Variants in FTCDNL1 observed in about 807,000 individuals in gnomAD.
The protein encoded by FTCDNL1 is formiminotransferase N-terminal subdomain-containing protein.
FTCDNL1 carries 11 observed loss-of-function variants against 5.9 expected under a neutral mutation model. That is an observed-to-expected ratio of 1.87 (90% CI 1.18 to 3.10). The LOEUF is 3.10. FTCDNL1 is among the 30% of genes most tolerant of loss of function. The pLI is 0.00. For synonymous variants in FTCDNL1, 58 were observed against 24.8 expected (o/e 2.34, Z -3.99); for missense variants, 115 against 65.5 (o/e 1.76, Z -2.61).
intron 3 of FTCDNL1, among the ~76,000 whole-genome samples, chr2:199,772,641 C>T (rs1698870772): frequency 6.6e-6 from 1 of 152,146 alleles, no homozygotes; most frequent in Non-Finnish European, 1.5e-5. Context: ...CCTTCTTGGT[C>T]ATCCAGTCTA....
At chr2:199,788,349 G>A (rs757873135) in intron 3 of FTCDNL1, among the ~76,000 whole-genome samples, 1 of 152,080 alleles carries the variant, frequency 6.6e-6, no homozygotes, top group African/African-American at 2.4e-5. Context: ...TATTTTTTTA[G>A]TAGATATTTT....
At chr2:199,766,548 CAG>C (rs1453417798) in intron 3 of FTCDNL1, among the ~76,000 whole-genome samples, 1 of 152,168 alleles carries the variant, frequency 6.6e-6, no homozygotes, top group Non-Finnish European at 1.5e-5. Context: ...ATTTAGGAAT[CAG>C]AAATATGTAG....
At chr2:199,789,638 A>G (rs938224985) in intron 3 of FTCDNL1, among the ~76,000 whole-genome samples, 1 of 152,156 alleles carries the variant, frequency 6.6e-6, no homozygotes, top group African/African-American at 2.4e-5. Flanking sequence ...AATAGCTTGC[A>G]TAAGAATTGA....
chr2:199,753,194 G>T, the FTCDNL1 span, among the ~76,000 whole-genome samples: 4 of 152,182 alleles, frequency 2.6e-5, no homozygotes, highest in Non-Finnish European at 5.9e-5. Context: ...CCCTGTATAA[G>T]GTTATAAGAG....
chr2:199,747,973 C>G, the FTCDNL1 span, among the ~76,000 whole-genome samples: 1 of 152,142 alleles, frequency 6.6e-6, no homozygotes, highest in Non-Finnish European at 1.5e-5. Flanking sequence ...TTTTCCCTCC[C>G]TATTTAATTC....
At chr2:199,850,381 T>C (rs2076844227) in intron 1 of FTCDNL1, among the ~76,000 whole-genome samples, 1 of 152,250 alleles carries the variant, frequency 6.6e-6, no homozygotes, top group African/African-American at 2.4e-5. Context: ...AATTATGCTT[T>C]TTAACAAATG....
At chr2:199,723,734 C>T in the FTCDNL1 span, among the ~76,000 whole-genome samples, 2 of 152,122 alleles carry the variant, frequency 1.3e-5, no homozygotes, top group South Asian at 4.1e-4. Context: ...GGGATAAAGC[C>T]AACTTGATTG....
the FTCDNL1 span, among the ~76,000 whole-genome samples, chr2:199,689,838 T>C: frequency 1.4e-5 from 2 of 147,198 alleles, no homozygotes; most frequent in South Asian, 4.3e-4. Flanking sequence ...AAGAATATAA[T>C]TAGATATGGG....
the FTCDNL1 span, among the ~76,000 whole-genome samples, chr2:199,728,608 C>T: frequency 6.6e-6 from 1 of 152,098 alleles, no homozygotes; most frequent in Non-Finnish European, 1.5e-5. Context: ...CTTTATAAAA[C>T]TTATACCAGG....
At chr2:199,741,207 T>C in the FTCDNL1 span, among the ~76,000 whole-genome samples, 16 of 152,178 alleles carry the variant, frequency 1.1e-4, no homozygotes, top group Admixed American at 7.2e-4. Flanking sequence ...GGCCAGGAGT[T>C]CGACGCTGCC....
the FTCDNL1 span, among the ~76,000 whole-genome samples, chr2:199,716,207 C>T: frequency 6.6e-6 from 1 of 152,050 alleles, no homozygotes; most frequent in Admixed American, 6.6e-5. Flanking sequence ...TCTTGCTTTA[C>T]TAAGTATAAG....
chr2:199,802,842 G>A (rs1482031673), intron 3 of FTCDNL1, among the ~76,000 whole-genome samples: 2 of 152,116 alleles, frequency 1.3e-5, no homozygotes, highest in African/African-American at 2.4e-5. Flanking sequence ...CAGTCCAGGG[G>A]AGGAAGTCAC....
intron 4 of FTCDNL1, among the ~76,000 whole-genome samples, chr2:199,813,912 CAAAAAAAAAAAA>C (rs397987315): frequency 5.5e-4 from 58 of 106,366 alleles, no homozygotes; most frequent in African/African-American, 1.6e-3. Flanking sequence ...GACTCTGTCT[CAAAAAAAAAAAA>C]AAAAAAAAAA....
chr2:199,699,642 A>G, the FTCDNL1 span, among the ~76,000 whole-genome samples: 1 of 152,158 alleles, frequency 6.6e-6, no homozygotes, highest in African/African-American at 2.4e-5. Flanking sequence ...CAGACACCAA[A>G]ATCCTCAACA....
chr2:199,714,394 G>T, the FTCDNL1 span, among the ~76,000 whole-genome samples: 1 of 152,066 alleles, frequency 6.6e-6, no homozygotes, highest in Non-Finnish European at 1.5e-5. Flanking sequence ...CATCAGTCAT[G>T]AATAAAATAT....
rs920389203 is a variant in FTCDNL1 at position 199,819,611 on chromosome 2, C to T, written c.358G>A (p.Asp120Asn). 2.8e-6 allele frequency: 2 copies of T among 701,984 alleles called. No homozygotes were observed. The highest frequency in any genetic ancestry group is 3.5e-5 in the African/African-American group (2 of 57,192). The allele number at this position is 701,984 out of a possible 1,614,324, so 43.5% of individuals were successfully genotyped here. The part of the protein sequence containing the change: ...TRRDFSALQP[D>N]LGAAPSQRCG... ...CTTTGGGAAGGGGCAGCTCCCAGGTCAGGCTGAAGAGCACTGAAATCCCTC... is the reference window on the plus strand; with the variant it reads ...CTTTGGGAAGGGGCAGCTCCCAGGTTAGGCTGAAGAGCACTGAAATCCCTC... Residue 120 changes from aspartate to asparagine, a missense_variant, in exon 4 of 5, where the codon GAC (aspartate) becomes AAC (asparagine). Physicochemically the swap from Asp to Asn is conservative, Grantham distance 23 (BLOSUM62 1). Coordinates refer to ENST00000420128, the MANE Select transcript of FTCDNL1 (RefSeq NM_001363886.2).
At position 199,813,509 on chromosome 2, in the gene FTCDNL1, T is replaced by G. The variant is rs575659979; in HGVS notation, c.398-785A>C. 4.6e-5 allele frequency among the ~76,000 whole-genome samples: 7 copies of G among 152,246 alleles called. No individual in the cohort carries two copies. In the South Asian group the frequency reaches 8.3e-4, roughly 18 times the overall value. ...CATGAGGAGAGAGCTGGGATGGTGT[T>G]TTAGGATATTTAGCACTTTTATATC... On this transcript the variant is annotated intron_variant, in intron 4 of 4. Transcript: ENST00000420128.
At chr2:199,849,711 T>C (rs1403163471) in intron 1 of FTCDNL1, among the ~76,000 whole-genome samples, 1 of 152,226 alleles carries the variant, frequency 6.6e-6, no homozygotes, top group Non-Finnish European at 1.5e-5. Flanking sequence ...ATAGCATTTT[T>C]GACACATCTT....
At chr2:199,728,787 TTAAAAG>T in the FTCDNL1 span, among the ~76,000 whole-genome samples, 1 of 152,218 alleles carries the variant, frequency 6.6e-6, no homozygotes, top group African/African-American at 2.4e-5. Flanking sequence ...ATTTGCTTCC[TTAAAAG>T]AATATTTGAG....
Sources: gnomAD v4.1 joint callset for allele counts (sites outside exome capture counted in the v4.1 genomes callset) on GRCh38, gnomAD v4.1.1 for gene constraint, MANE v1.5 for transcripts, NCBI Gene and HGNC (gene_info 2026-07-23, HGNC 2026-07-21) for gene names.